The following MEIS2 variants were observed in gnomAD, a reference collection of about 807,000 sequenced individuals.
The protein encoded by MEIS2 is Meis homeobox 2.
MEIS2 carries 9 observed loss-of-function variants against 58.6 expected under a neutral mutation model. The observed-to-expected ratio is 0.15, with a 90% CI of 0.09 to 0.27. The LOEUF (loss-of-function observed/expected upper bound fraction) is 0.27. Ranked by LOEUF, MEIS2 falls within the 10% of genes least tolerant of loss-of-function variation. The pLI, the probability that MEIS2 is intolerant of heterozygous loss-of-function variation, is 1.00. For missense variants in MEIS2, 427 were observed against 635.0 expected (o/e 0.67, Z 3.52); for synonymous variants, 221 against 228.4 (o/e 0.97, Z 0.29).
At chr15:37,098,612 A>C in intron 1 of MEIS2, 1 of 208,848 alleles carries the variant, frequency 4.8e-6, no homozygotes, top group Non-Finnish European at 8.4e-6. Context: ...GAGGCCGGGG[A>C]TTTGAGGGGG....
chr15:37,059,314 G>A (rs978342165), intron 7 of MEIS2, among the ~76,000 whole-genome samples: 1 of 152,038 alleles, frequency 6.6e-6, no homozygotes, highest in African/African-American at 2.4e-5. Context: ...TTTCTAGAAG[G>A]GAGTCAAACG....
intron 8 of MEIS2, among the ~76,000 whole-genome samples, chr15:37,022,217 C>A (rs190907448): frequency 6.6e-6 from 1 of 152,098 alleles, no homozygotes. Context: ...AAGACCATGT[C>A]AACTTTTATA....
At chr15:36,898,104 G>A (rs1209056719) in intron 9 of MEIS2, 1 of 152,184 alleles carries the variant, frequency 6.6e-6, no homozygotes, top group Non-Finnish European at 1.5e-5. Context: ...AGAAAGTGTA[G>A]CTCAGTTGTC....
At chr15:36,984,636 A>AT (rs1385815426) in intron 8 of MEIS2, among the ~76,000 whole-genome samples, 1 of 152,018 alleles carries the variant, frequency 6.6e-6, no homozygotes, top group Non-Finnish European at 1.5e-5. Context: ...CTTCTCTTCC[A>AT]TTTTTTGCAA....
At position 37,093,949 on chromosome 15, in the gene MEIS2, T is replaced by G. The variant is rs149540923; in HGVS notation, c.490-219A>C. On this transcript the variant is annotated intron_variant, in intron 5 of 11. Coordinates refer to ENST00000561208, the MANE Select transcript of MEIS2 (RefSeq NM_170675.5). Reference sequence around the variant, plus strand: ...AGATATTATTCTCCAGAGACTTCTCTGAGCAACAAGTTACAATAGAGAGAG... The same window carrying G: ...AGATATTATTCTCCAGAGACTTCTCGGAGCAACAAGTTACAATAGAGAGAG... 6.2e-4 allele frequency: 333 copies of G among 540,904 alleles called. 2 individuals carry two copies. Among genetic ancestry groups the G allele is most frequent in the African/African-American group, 5.8e-3 (310 of 53,410 alleles). The allele number at this position is 540,904 out of a possible 1,614,324, so 33.5% of individuals were successfully genotyped here.
chr15:36,894,578 T>G, intron 11 of MEIS2: 1 of 610,088 alleles, frequency 1.6e-6, no homozygotes. Flanking sequence ...AGATGGGTGA[T>G]ATATATTTAA....
chr15:36,956,328 A>T (rs1444999303), intron 8 of MEIS2, among the ~76,000 whole-genome samples: 1 of 152,116 alleles, frequency 6.6e-6, no homozygotes, highest in Non-Finnish European at 1.5e-5. Flanking sequence ...CTTTGGTAAG[A>T]GTTGGGATAA....
chr15:37,052,406 A>G (rs1300593983), intron 7 of MEIS2, among the ~76,000 whole-genome samples: 1 of 152,218 alleles, frequency 6.6e-6, no homozygotes, highest in East Asian at 1.9e-4. Flanking sequence ...AAACTCGCCT[A>G]AAGTCACGTG....
intron 7 of MEIS2, among the ~76,000 whole-genome samples, chr15:37,065,653 A>G (rs1174318481): frequency 6.6e-6 from 1 of 152,254 alleles, no homozygotes; most frequent in Non-Finnish European, 1.5e-5. Flanking sequence ...GCCCATCTAG[A>G]GAACACTTCC....
chr15:36,988,321 G>C (rs1482799463), intron 8 of MEIS2, among the ~76,000 whole-genome samples: 1 of 152,000 alleles, frequency 6.6e-6, no homozygotes, highest in Non-Finnish European at 1.5e-5. Context: ...CTTTTTTGAG[G>C]GGAGGAAACT....
At chr15:37,076,892 C>T (rs1891495490) in intron 7 of MEIS2, among the ~76,000 whole-genome samples, 1 of 151,928 alleles carries the variant, frequency 6.6e-6, no homozygotes. Context: ...TATTTCATTC[C>T]AAGATTTCAT....
At chr15:37,048,904 A>G (rs1237102399) in intron 7 of MEIS2, among the ~76,000 whole-genome samples, 1 of 152,198 alleles carries the variant, frequency 6.6e-6, no homozygotes, top group African/African-American at 2.4e-5. Context: ...AATTTGGAAC[A>G]TATTTGTTAG....
chr15:36,946,125 T>C, intron 9 of MEIS2, among the ~76,000 whole-genome samples: 1 of 151,994 alleles, frequency 6.6e-6, no homozygotes, highest in East Asian at 1.9e-4. Context: ...AATTTTCCTT[T>C]GTAATTTTAG....
chr15:37,002,462 T>C (rs538931874), intron 8 of MEIS2, among the ~76,000 whole-genome samples: 1 of 152,308 alleles, frequency 6.6e-6, no homozygotes, highest in Admixed American at 6.5e-5. Context: ...CTCTCCTACA[T>C]GTGTTTAAAT....
chr15:37,027,366 T>A (rs933471089), intron 8 of MEIS2, among the ~76,000 whole-genome samples: 2 of 152,206 alleles, frequency 1.3e-5, no homozygotes, highest in Non-Finnish European at 1.5e-5. Context: ...GTCAGTATTC[T>A]CATAACCCAG....
At chr15:36,952,436 A>G (rs1397354699) in intron 8 of MEIS2, among the ~76,000 whole-genome samples, 2 of 152,124 alleles carry the variant, frequency 1.3e-5, no homozygotes, top group East Asian at 3.9e-4. Flanking sequence ...ATGCATCACA[A>G]GAGTATCTAG....
intron 7 of MEIS2, among the ~76,000 whole-genome samples, chr15:37,067,945 A>ATTATCAC (rs1195260761): frequency 1.3e-5 from 2 of 152,184 alleles, no homozygotes; most frequent in Non-Finnish European, 2.9e-5. Context: ...CATGCATATT[A>ATTATCAC]TTATCACTTA....
intron 8 of MEIS2, among the ~76,000 whole-genome samples, chr15:36,951,471 T>C (rs2058747774): frequency 6.6e-6 from 1 of 152,202 alleles, no homozygotes; most frequent in Non-Finnish European, 1.5e-5. Context: ...ATTCAGAATA[T>C]TCTAATCATT....
At chr15:37,062,520 C>T (rs1039970150) in intron 7 of MEIS2, among the ~76,000 whole-genome samples, 12 of 152,178 alleles carry the variant, frequency 7.9e-5, no homozygotes, top group Non-Finnish European at 1.3e-4. Flanking sequence ...AAGACGGAAA[C>T]GTACAACTTT....
Sources: allele counts gnomAD v4.1 joint callset (sites outside exome capture counted in the v4.1 genomes callset), GRCh38; gene constraint gnomAD v4.1.1; transcripts MANE v1.5; gene names NCBI Gene and HGNC (gene_info 2026-07-23, HGNC 2026-07-21).